RBFOX1: variants seen among roughly 807,000 people sequenced by gnomAD.
RBFOX1 encodes RNA binding protein fox-1 homolog 1.
In RBFOX1, 8 loss-of-function variants were observed where a neutral mutation model predicts 57.7. The observed-to-expected ratio is 0.14, with a 90% CI of 0.08 to 0.25. The LOEUF (loss-of-function observed/expected upper bound fraction) is 0.25, where lower values mean the gene tolerates loss of function less well. Among genes scored for constraint, RBFOX1 ranks in the 10% least tolerant of loss-of-function variants. RBFOX1 has a pLI of 1.00. For synonymous variants in RBFOX1, 326 were observed against 222.4 expected, an observed-to-expected ratio of 1.47 and a Z score of -4.15; for missense variants, 611 against 548.5, an observed-to-expected ratio of 1.11 and a Z score of -1.14.
intron 1 of RBFOX1, among the ~76,000 whole-genome samples, chr16:6,273,605 C>T (rs1314204461): frequency 6.6e-6 from 1 of 152,024 alleles, no homozygotes; most frequent in Admixed American, 6.5e-5. Flanking sequence ...CTCGGCCCCC[C>T]AAAGTGCTGG....
rs561585484 is a variant in RBFOX1, at chr16:6,767,752, A to G, written c.-16+113102A>G. Among the ~76,000 whole-genome samples the G allele has an allele frequency of 4.6e-5, 7 of 151,758 alleles. No individual in the cohort carries two copies. In the East Asian group the frequency reaches 1.2e-3, roughly 25 times the overall value. On this transcript the variant is annotated intron_variant, in intron 3 of 15. Transcript: ENST00000550418. ...AATATGGTGAAACCCCATCTCTACTAAAAATACAAAAATTAGCCAGGCATG... is the reference window on the plus strand; with the variant it reads ...AATATGGTGAAACCCCATCTCTACTGAAAATACAAAAATTAGCCAGGCATG...
intron 3 of RBFOX1, among the ~76,000 whole-genome samples, chr16:7,011,299 C>T (rs939230145): frequency 6.6e-6 from 1 of 152,172 alleles, no homozygotes; most frequent in Non-Finnish European, 1.5e-5. Context: ...ATGCTATCAT[C>T]ATTTTCACTT....
chr16:7,526,617 A>C (rs2078769788), intron 5 of RBFOX1, among the ~76,000 whole-genome samples: 1 of 152,228 alleles, frequency 6.6e-6, no homozygotes, highest in Non-Finnish European at 1.5e-5. Flanking sequence ...AGTTTGGCAA[A>C]ATAATTGAAG....
chr16:6,847,862 G>C (rs770640188), intron 3 of RBFOX1, among the ~76,000 whole-genome samples: 22 of 151,814 alleles, frequency 1.4e-4, no homozygotes, highest in Non-Finnish European at 2.9e-4. Context: ...TGTTGAAATG[G>C]AGTCTTGGTC....
chr16:7,202,574 G>C lies in RBFOX1; in HGVS notation c.27+150476G>C, dbSNP rs76787768. Reference sequence around the variant, plus strand: ...GCCTGTTAGGAATTGGGCTGCAGTGGATGAGCAAGCAAAGCTTCTTCTGTA... The same window carrying C: ...GCCTGTTAGGAATTGGGCTGCAGTGCATGAGCAAGCAAAGCTTCTTCTGTA... On this transcript the variant is annotated intron_variant, in intron 4 of 15. Coordinates refer to ENST00000550418, the MANE Select transcript of RBFOX1 (RefSeq NM_018723.4). 7.8e-3 allele frequency among the ~76,000 whole-genome samples: 1,181 copies of C among 152,280 alleles called. 28 individuals carry two copies. Among genetic ancestry groups the C allele is most frequent in the African/African-American group, 0.027 (1,122 of 41,546 alleles).
At chr16:7,296,777 C>T (rs1309580830) in intron 4 of RBFOX1, among the ~76,000 whole-genome samples, 3 of 152,140 alleles carry the variant, frequency 2.0e-5, no homozygotes, top group Non-Finnish European at 4.4e-5. Context: ...CTGAAATCCA[C>T]AATAGCTTTA....
chr16:6,256,389 G>A (rs183388131), intron 1 of RBFOX1, among the ~76,000 whole-genome samples: 2 of 149,608 alleles, frequency 1.3e-5, no homozygotes, highest in African/African-American at 4.9e-5. Flanking sequence ...TGAGGCAGAA[G>A]GAGGCAGGCA....
intron 3 of RBFOX1, among the ~76,000 whole-genome samples, chr16:5,802,155 A>G (rs2055079861): frequency 6.6e-6 from 1 of 151,950 alleles, no homozygotes; most frequent in African/African-American, 2.4e-5. Flanking sequence ...AACTCCCCTT[A>G]CTCCATGCCC....
At chr16:5,520,033 A>G (rs949229929) in intron 2 of RBFOX1, among the ~76,000 whole-genome samples, 1 of 152,260 alleles carries the variant, frequency 6.6e-6, no homozygotes, top group Non-Finnish European at 1.5e-5. Flanking sequence ...TAAACGTATA[A>G]CTAAATGATG....
At chr16:5,717,450 T>C (rs1167049416) in intron 3 of RBFOX1, among the ~76,000 whole-genome samples, 1 of 152,212 alleles carries the variant, frequency 6.6e-6, no homozygotes, top group Non-Finnish European at 1.5e-5. Flanking sequence ...GGTGCACCCA[T>C]CACCCAAGCA....
intron 3 of RBFOX1, among the ~76,000 whole-genome samples, chr16:6,776,978 AT>A (rs2079482774): frequency 6.6e-6 from 1 of 152,148 alleles, no homozygotes; most frequent in Non-Finnish European, 1.5e-5. Flanking sequence ...TATTTACGTG[AT>A]TTTGATGCAG....
chr16:6,201,530 G>T (rs2152830489), intron 1 of RBFOX1, among the ~76,000 whole-genome samples: 1 of 152,290 alleles, frequency 6.6e-6, no homozygotes, highest in African/African-American at 2.4e-5. Context: ...GTAGCCCGGA[G>T]TGGGGAGAGA....
chr16:6,129,324 G>A (rs149015193), intron 1 of RBFOX1, among the ~76,000 whole-genome samples: 63 of 152,024 alleles, frequency 4.1e-4, no homozygotes, highest in African/African-American at 1.4e-3. Context: ...AAAAATGGAA[G>A]TCATAAAAAG....
chr16:5,390,598 A>G (rs950878039), intron 1 of RBFOX1, among the ~76,000 whole-genome samples: 1 of 152,022 alleles, frequency 6.6e-6, no homozygotes, highest in African/African-American at 2.4e-5. Context: ...CTCATATATT[A>G]TTTTTAAATG....
At chr16:5,451,265 T>A (rs2068418384) in intron 1 of RBFOX1, among the ~76,000 whole-genome samples, 1 of 152,122 alleles carries the variant, frequency 6.6e-6, no homozygotes, top group African/African-American at 2.4e-5. Context: ...AAAGATATCC[T>A]GCTGAAGGAT....
intron 3 of RBFOX1, among the ~76,000 whole-genome samples, chr16:6,900,433 C>T (rs1023218383): frequency 1.3e-5 from 2 of 152,200 alleles, no homozygotes; most frequent in African/African-American, 4.8e-5. Flanking sequence ...CCACTATCTG[C>T]TCTCCCACTT....
chr16:5,662,542 G>C (rs1399257040), intron 3 of RBFOX1, among the ~76,000 whole-genome samples: 3 of 152,164 alleles, frequency 2.0e-5, no homozygotes, highest in Non-Finnish European at 4.4e-5. Flanking sequence ...CTCCCTGAAA[G>C]AGTTCTGGGG....
At chr16:6,538,418 T>G (rs1392994299) in intron 2 of RBFOX1, among the ~76,000 whole-genome samples, 2 of 152,112 alleles carry the variant, frequency 1.3e-5, no homozygotes, top group Non-Finnish European at 2.9e-5. Context: ...CTTGAGCCTG[T>G]GAGGCCGAGG....
At chr16:7,697,015 A>T (rs895490213) in intron 14 of RBFOX1, among the ~76,000 whole-genome samples, 1 of 152,122 alleles carries the variant, frequency 6.6e-6, no homozygotes, top group African/African-American at 2.4e-5. Flanking sequence ...GGAAGTTAGG[A>T]CTTGGAGGCT....
Sources: allele counts gnomAD v4.1 joint callset (sites outside exome capture counted in the v4.1 genomes callset), GRCh38; gene constraint gnomAD v4.1.1; transcripts MANE v1.5; gene names NCBI Gene and HGNC (gene_info 2026-07-23, HGNC 2026-07-21).